Variants in NKAIN2 observed in about 807,000 individuals in gnomAD.
The protein encoded by NKAIN2 is sodium/potassium-transporting ATPase subunit beta-1-interacting protein 2.
A neutral mutation model predicts 32.6 loss-of-function variants in NKAIN2; 14 were observed. The observed-to-expected ratio is 0.43, with a 90% CI of 0.28 to 0.67. The LOEUF (loss-of-function observed/expected upper bound fraction) is 0.67, where lower values mean the gene tolerates loss of function less well. Ranked by LOEUF, NKAIN2 falls within the 30% of genes least tolerant of loss-of-function variation. The pLI is 0.17. For synonymous variants in NKAIN2, 80 were observed against 87.2 expected (o/e 0.92, Z 0.46); for missense variants, 198 against 258.3 (o/e 0.77, Z 1.60).
At chr6:124,039,523 T>C (rs1219891694) in intron 1 of NKAIN2, among the ~76,000 whole-genome samples, 1 of 151,962 alleles carries the variant, frequency 6.6e-6, no homozygotes, top group African/African-American at 2.4e-5. Flanking sequence ...TTGTTTTGAG[T>C]TGCTATCATT....
At chr6:124,777,005 A>G (rs1342843385) in intron 4 of NKAIN2, among the ~76,000 whole-genome samples, 1 of 152,184 alleles carries the variant, frequency 6.6e-6, no homozygotes, top group African/African-American at 2.4e-5. Flanking sequence ...AAAGAGAAAT[A>G]GTTGGTTTCA....
chr6:124,554,537 A>G (rs746460344), intron 3 of NKAIN2, among the ~76,000 whole-genome samples: 2 of 152,214 alleles, frequency 1.3e-5, no homozygotes, highest in Admixed American at 6.5e-5. Context: ...ACTACTGTTT[A>G]GTCTTCTTGA....
intron 1 of NKAIN2, among the ~76,000 whole-genome samples, chr6:124,256,738 A>G (rs888329192): frequency 2.0e-5 from 3 of 152,118 alleles, no homozygotes; most frequent in Non-Finnish European, 4.4e-5. Context: ...TGATTAGAGG[A>G]AAGATATTTC....
chr6:124,753,365 G>A (rs550490910), intron 4 of NKAIN2, among the ~76,000 whole-genome samples: 217 of 152,164 alleles, frequency 1.4e-3, no homozygotes, highest in African/African-American at 4.6e-3. Flanking sequence ...AACCTCCTAA[G>A]ATAATCTCTT....
chr6:124,695,830 C>A (rs948357897), intron 4 of NKAIN2, among the ~76,000 whole-genome samples: 2 of 152,190 alleles, frequency 1.3e-5, no homozygotes, highest in African/African-American at 4.8e-5. Flanking sequence ...TCATAAGGGC[C>A]ATGGCCAACA....
At chr6:124,541,323 A>G (rs2114844933) in intron 3 of NKAIN2, among the ~76,000 whole-genome samples, 1 of 152,296 alleles carries the variant, frequency 6.6e-6, no homozygotes, top group Middle Eastern at 3.4e-3. Context: ...AGGGTGAGAC[A>G]CAAAATAGCA....
intron 3 of NKAIN2, among the ~76,000 whole-genome samples, chr6:124,389,214 G>A (rs1773039950): frequency 6.6e-6 from 1 of 151,966 alleles, no homozygotes; most frequent in Non-Finnish European, 1.5e-5. Context: ...CAACATTATT[G>A]GAATGAGACT....
intron 3 of NKAIN2, among the ~76,000 whole-genome samples, chr6:124,623,103 A>G (rs1303266744): frequency 6.6e-6 from 1 of 152,102 alleles, no homozygotes; most frequent in Non-Finnish European, 1.5e-5. Context: ...TTAATTACAT[A>G]TGCAAAGACC....
intron 1 of NKAIN2, among the ~76,000 whole-genome samples, chr6:123,823,696 AATT>A (rs1197248042): frequency 2.0e-5 from 3 of 152,114 alleles, no homozygotes; most frequent in African/African-American, 7.2e-5. Context: ...AGAGAAGAAG[AATT>A]ATTGAAGAGA....
At chr6:124,411,876 C>T (rs1005301061) in intron 3 of NKAIN2, among the ~76,000 whole-genome samples, 9 of 152,112 alleles carry the variant, frequency 5.9e-5, no homozygotes, top group Admixed American at 2.0e-4. Context: ...AGGCTTTGTT[C>T]ATTTCTTTTT....
chr6:124,096,477 A>ACAGCTTTGAC (rs1192587174), intron 1 of NKAIN2, among the ~76,000 whole-genome samples: 1 of 152,184 alleles, frequency 6.6e-6, no homozygotes, highest in African/African-American at 2.4e-5. Flanking sequence ...TTACAGCTCA[A>ACAGCTTTGAC]CAGCTTTGAC....
intron 1 of NKAIN2, among the ~76,000 whole-genome samples, chr6:124,195,309 C>T (rs1191981173): frequency 2.0e-5 from 2 of 99,420 alleles, no homozygotes; most frequent in African/African-American, 3.5e-5. Context: ...TTAAAAATTA[C>T]TTTGTCAGGT....
chr6:124,129,519 A>AC (rs1786348406), intron 1 of NKAIN2, among the ~76,000 whole-genome samples: 1 of 152,082 alleles, frequency 6.6e-6, no homozygotes, highest in East Asian at 1.9e-4. Flanking sequence ...CATTTATATC[A>AC]CCCCCCTCAG....
intron 3 of NKAIN2, among the ~76,000 whole-genome samples, chr6:124,587,025 C>G (rs1158132289): frequency 6.6e-6 from 1 of 152,086 alleles, no homozygotes; most frequent in East Asian, 1.9e-4. Context: ...TTTCCAGGGA[C>G]TGGGGTGAGA....
intron 3 of NKAIN2, among the ~76,000 whole-genome samples, chr6:124,615,201 C>T (rs6906697): frequency 0.18 from 27,287 of 152,080 alleles, 2,634 homozygotes; most frequent in Middle Eastern, 0.24. Context: ...CCATATATCC[C>T]CCTTTATAAA....
chr6:123,932,478 G>T (rs1776299364), intron 1 of NKAIN2, among the ~76,000 whole-genome samples: 1 of 141,870 alleles, frequency 7.0e-6, no homozygotes, highest in Non-Finnish European at 1.5e-5. Flanking sequence ...GTGCAGTGGT[G>T]CAATCTTGGC....
intron 4 of NKAIN2, among the ~76,000 whole-genome samples, chr6:124,665,233 A>T (rs1772731746): frequency 6.6e-6 from 1 of 152,218 alleles, no homozygotes; most frequent in Non-Finnish European, 1.5e-5. Context: ...CAAAGCTAGA[A>T]GTATCACACT....
chr6:123,973,448 C>T (rs1424016684), intron 1 of NKAIN2, among the ~76,000 whole-genome samples: 2 of 152,034 alleles, frequency 1.3e-5, no homozygotes, highest in Non-Finnish European at 2.9e-5. Flanking sequence ...TTATAGCTTA[C>T]ATCTTACTTG....
intron 5 of NKAIN2, among the ~76,000 whole-genome samples, chr6:124,802,797 C>T (rs923584479): frequency 5.3e-5 from 8 of 152,166 alleles, no homozygotes; most frequent in Non-Finnish European, 1.2e-4. Flanking sequence ...AAGTTTTCTT[C>T]ACCCTTATTT....
Sources: gnomAD v4.1 joint callset for allele counts (sites outside exome capture counted in the v4.1 genomes callset) on GRCh38, gnomAD v4.1.1 for gene constraint, MANE v1.5 for transcripts, NCBI Gene and HGNC (gene_info 2026-07-23, HGNC 2026-07-21) for gene names.